Variants in ADGRV1 observed in about 807,000 individuals in gnomAD.
ADGRV1 encodes adhesion G protein-coupled receptor V1, also known as G-protein coupled receptor 98.
Under a neutral mutation model 596.2 loss-of-function variants are expected in ADGRV1, and 359 were observed. The ratio of observed to expected loss-of-function variants is 0.60; its 90% CI spans 0.55 to 0.66. ADGRV1 has a LOEUF of 0.66. Among genes scored for constraint, ADGRV1 ranks in the 30% least tolerant of loss-of-function variants. The pLI is 0.00. For missense variants in ADGRV1, 7,274 were observed against 7,575.6 expected (o/e 0.96, Z 1.48); for synonymous variants, 2,681 against 2,679.2 (o/e 1.00, Z -0.02).
chr5:90,981,150 A>C (rs1361904911), intron 84 of ADGRV1, among the ~76,000 whole-genome samples: 1 of 152,156 alleles, frequency 6.6e-6, no homozygotes, highest in Non-Finnish European at 1.5e-5. Flanking sequence ...GACATCAATC[A>C]ACATATGGAA....
chr5:90,614,779 T>C (rs1166955763), intron 1 of ADGRV1, 56 bp from the exon 2 acceptor site: 1 of 1,234,876 alleles, frequency 8.1e-7, no homozygotes, highest in Non-Finnish European at 1.2e-6. Flanking sequence ...CAATACAATC[T>C]AATGAGAATA....
Position 90,840,620 on chromosome 5 carries a change from C to T in ADGRV1, c.16654C>T (p.Pro5552Ser), listed in dbSNP as rs928136696. ...AETIGRTIIS[P>S]AISGKDFVIT... ...AACAATTGGTCGTACCATCATATCT[C>T]CAGCTATTTCTGGAAAGGATTTTGT... Residue 5552 changes from proline (P) to serine (S), a missense_variant, in exon 78 of 90, where the codon CCA becomes TCA. Physicochemically the swap from Pro to Ser is moderately conservative, Grantham distance 74. This residue lies in a region of ADGRV1 where 1,874 missense variants were observed against 1,970.2 expected (regional missense o/e 0.95). Coordinates refer to ENST00000405460, the MANE Select transcript of ADGRV1 (RefSeq NM_032119.4). 1.9e-6 allele frequency: 3 copies of T among 1,612,946 alleles called. No individual in the cohort carries two copies. The highest frequency in any genetic ancestry group is 2.5e-6 in the Non-Finnish European group (3 of 1,179,208).
chr5:90,878,068 G>A (rs748903617), intron 83 of ADGRV1, among the ~76,000 whole-genome samples: 6 of 152,200 alleles, frequency 3.9e-5, no homozygotes, highest in Non-Finnish European at 7.4e-5. Flanking sequence ...TTGTGGTGTT[G>A]TTTAAGATTC....
intron 83 of ADGRV1, among the ~76,000 whole-genome samples, chr5:90,907,797 G>A (rs964914169): frequency 6.6e-6 from 1 of 151,996 alleles, no homozygotes; most frequent in Non-Finnish European, 1.5e-5. Flanking sequence ...ACCTACCACA[G>A]TATCTGCTAG....
rs753775712 is a variant in ADGRV1 at position 90,779,012 on chromosome 5, C to T, written c.12997C>T (p.Leu4333=). 1 of 1,613,312 alleles carries T rather than the reference C, an allele frequency of 6.2e-7. No homozygotes were observed. The highest frequency in any genetic ancestry group is 8.5e-7 in the Non-Finnish European group (1 of 1,179,476). ...LFEAGEMRKS[L]HVEILDDDYP... ...TGAAGCAGGGGAGATGAGGAAAAGT[C>T]TGCATGTTGAAATCCTTGATGATGA... Residue 4333 remains leucine (L), a synonymous_variant, in exon 64 of 90, where the codon CTG becomes TTG. Coordinates refer to ENST00000405460, the MANE Select transcript of ADGRV1 (RefSeq NM_032119.4).
chr5:91,093,743 G>A (rs1386457649), intron 86 of ADGRV1, among the ~76,000 whole-genome samples: 2 of 152,044 alleles, frequency 1.3e-5, no homozygotes, highest in Admixed American at 6.6e-5. Context: ...GATATGGGAG[G>A]CAGTTAAAGG....
At chr5:90,900,742 A>G (rs941866860) in intron 83 of ADGRV1, among the ~76,000 whole-genome samples, 2 of 152,108 alleles carry the variant, frequency 1.3e-5, no homozygotes, top group Non-Finnish European at 2.9e-5. Flanking sequence ...TTATAGACAT[A>G]TGAGTTTGTG....
At chr5:90,912,994 A>G (rs1422280242) in intron 83 of ADGRV1, among the ~76,000 whole-genome samples, 1 of 152,192 alleles carries the variant, frequency 6.6e-6, no homozygotes, top group Non-Finnish European at 1.5e-5. Flanking sequence ...ATTTTCCTTC[A>G]TGAAATACTG....
At chr5:90,796,433 AAAAT>A (rs1401941848) in intron 70 of ADGRV1, among the ~76,000 whole-genome samples, 54 of 152,160 alleles carry the variant, frequency 3.5e-4, no homozygotes, top group Non-Finnish European at 4.4e-5. Context: ...AGAGAAAAAA[AAAAT>A]AAAAAGGAAT....
At chr5:90,560,399 C>T (rs1698059151) in intron 1 of ADGRV1, among the ~76,000 whole-genome samples, 1 of 151,940 alleles carries the variant, frequency 6.6e-6, no homozygotes, top group South Asian at 2.1e-4. Flanking sequence ...TCTTAGAAAC[C>T]CTTTACATAG....
chr5:91,030,045 T>G (rs1041661899), intron 85 of ADGRV1, among the ~76,000 whole-genome samples: 3 of 152,164 alleles, frequency 2.0e-5, no homozygotes, highest in African/African-American at 7.2e-5. Context: ...AAGTAATATC[T>G]TTCCCCATTT....
At chr5:90,756,850 A>G in intron 56 of ADGRV1, 129 bp from the exon 57 acceptor site, 1 of 803,778 alleles carries the variant, frequency 1.2e-6, no homozygotes, top group Non-Finnish European at 1.9e-6. Flanking sequence ...ATGCATACTT[A>G]TATCTGACTA....
chr5:90,698,296 A>G (rs967371418), intron 34 of ADGRV1, among the ~76,000 whole-genome samples: 27 of 152,170 alleles, frequency 1.8e-4, no homozygotes, highest in Admixed American at 1.7e-3. Context: ...TGTGGCAGAC[A>G]CTCCACCTTC....
At chr5:90,595,124 C>G (rs1404732625) in intron 1 of ADGRV1, among the ~76,000 whole-genome samples, 2 of 129,452 alleles carry the variant, frequency 1.5e-5, no homozygotes, top group African/African-American at 6.4e-5. Flanking sequence ...CTGACCCCCC[C>G]ACCTCCCTCC....
intron 85 of ADGRV1, among the ~76,000 whole-genome samples, chr5:91,050,195 G>A (rs1389904831): frequency 1.3e-5 from 2 of 152,182 alleles, no homozygotes; most frequent in African/African-American, 4.8e-5. Context: ...TTGAGGACTA[G>A]CATTAATTTG....
At chr5:91,044,331 A>T (rs1785611765) in intron 85 of ADGRV1, among the ~76,000 whole-genome samples, 1 of 152,198 alleles carries the variant, frequency 6.6e-6, no homozygotes, top group Admixed American at 6.6e-5. Flanking sequence ...AGTAAAACAT[A>T]CACTTGAAAC....
intron 1 of ADGRV1, among the ~76,000 whole-genome samples, chr5:90,583,490 A>G (rs1758339157): frequency 6.6e-6 from 1 of 152,094 alleles, no homozygotes; most frequent in South Asian, 2.1e-4. Flanking sequence ...GGCACCATAC[A>G]TTTGGAAATT....
intron 85 of ADGRV1, among the ~76,000 whole-genome samples, chr5:91,040,530 T>C (rs576566417): frequency 6.6e-6 from 1 of 152,334 alleles, no homozygotes; most frequent in African/African-American, 2.4e-5. Flanking sequence ...TAATTATATA[T>C]GTTTGGAATC....
chr5:90,830,785 T>C (rs1291062429), intron 77 of ADGRV1, among the ~76,000 whole-genome samples: 1 of 152,174 alleles, frequency 6.6e-6, no homozygotes, highest in African/African-American at 2.4e-5. Context: ...TCAAACATTA[T>C]TCTAAGTGTT....
Sources: gnomAD v4.1 joint callset for allele counts (sites outside exome capture counted in the v4.1 genomes callset) on GRCh38, gnomAD v4.1.1 for gene constraint, gnomAD v4.1.1 regional missense constraint, MANE v1.5 for transcripts, NCBI Gene and HGNC (gene_info 2026-07-23, HGNC 2026-07-21) for gene names.